Variants in MOB1B observed in about 807,000 individuals in gnomAD.
MOB1B encodes MOB kinase activator 1B.
In MOB1B, 19 loss-of-function variants were observed where a neutral mutation model predicts 24.4. That is an observed-to-expected ratio of 0.78 (90% CI 0.54 to 1.14). The LOEUF (loss-of-function observed/expected upper bound fraction) is 1.14. MOB1B is among the 50% of genes most tolerant of loss of function. MOB1B has a pLI of 0.00. For missense variants in MOB1B, 243 were observed against 259.6 expected (o/e 0.94, Z 0.44); for synonymous variants, 76 against 82.1 (o/e 0.93, Z 0.40).
intron 1 of MOB1B, among the ~76,000 whole-genome samples, chr4:70,915,417 T>TA (rs1736159251): frequency 6.6e-6 from 1 of 152,232 alleles, no homozygotes; most frequent in Admixed American, 6.5e-5. Context: ...AGAGCCCCGT[T>TA]ACAGAATTTT....
Position 70,959,039 on chromosome 4 carries a change from C to T in MOB1B, c.180C>T (p.Asn60=). 6.2e-7 allele frequency: 1 copy of T among 1,613,368 alleles called. No individual in the cohort carries two copies. Among genetic ancestry groups the T allele is most frequent in the South Asian group, 1.1e-5 (1 of 90,944 alleles). The stretch of plus-strand genomic sequence containing the variant: ...ATCTCAATGAATGGGTTGCAGTTAA[C>T]AGTAAGTAGCCTTTTTATTTCTCAG... ...GEDLNEWVAV[N]TVDFFNQINM... The change falls in exon 2 of 6, where the codon AAC becomes AAT. Residue 60 remains asparagine (N), a splice_region_variant and synonymous_variant. Coordinates refer to ENST00000309395, the MANE Select transcript of MOB1B (RefSeq NM_173468.4).
intron 4 of MOB1B, chr4:70,975,520 TG>T: frequency 1.7e-6 from 2 of 1,185,868 alleles, no homozygotes; most frequent in Non-Finnish European, 2.1e-6. Context: ...TGCTTTTAAA[TG>T]CTTAATTAGC....
chr4:70,955,829 T>C (rs749809253), intron 1 of MOB1B, among the ~76,000 whole-genome samples: 2 of 152,038 alleles, frequency 1.3e-5, no homozygotes, highest in Non-Finnish European at 2.9e-5. Context: ...ATGAAGTAAG[T>C]TTCAAGCTTG....
At chr4:70,950,647 A>G in intron 1 of MOB1B, 1 of 931,928 alleles carries the variant, frequency 1.1e-6, no homozygotes, top group Non-Finnish European at 1.6e-6. Context: ...TGCGAGTACA[A>G]AGCTTGCGGT....
intron 1 of MOB1B, among the ~76,000 whole-genome samples, chr4:70,945,585 T>C (rs528934877): frequency 1.1e-4 from 17 of 152,390 alleles, no homozygotes; most frequent in African/African-American, 3.1e-4. Flanking sequence ...AAGTATTTGC[T>C]GTACTTTCAA....
chr4:70,945,894 A>G lies in MOB1B; in HGVS notation c.15-12980A>G, dbSNP rs187449457. On this transcript the variant is annotated intron_variant, in intron 1 of 5. Transcript: ENST00000309395. ...ATAAAGAAAGTGCAGTTAAAATTGT[A>G]TGAGATAAGGAGAAGTAGGCGCTAC... 1.1e-4 allele frequency among the ~76,000 whole-genome samples: 17 copies of G among 152,026 alleles called. 1 individual carries two copies. Among genetic ancestry groups the G allele is most frequent in the African/African-American group, 4.1e-4 (17 of 41,492 alleles).
intron 1 of MOB1B, chr4:70,950,793 C>G: frequency 2.6e-6 from 4 of 1,526,908 alleles, no homozygotes; most frequent in East Asian, 2.5e-5. Context: ...ATGGAAGGAG[C>G]TACTGATGTG....
chr4:70,973,934 TATA>T (rs969375680), intron 3 of MOB1B, among the ~76,000 whole-genome samples: 35 of 152,344 alleles, frequency 2.3e-4, no homozygotes, highest in African/African-American at 8.2e-4. Context: ...ATTTTTCTGT[TATA>T]TATTGTCATC....
At position 70,987,215 on chromosome 4, in the gene MOB1B, A is replaced by G. The variant is rs1411513005; in HGVS notation, c.*5158A>G. ...AATTAGTGTTTGACAGCTTTTTTTAAATTATTTCACTGAAGCTGAGATTAT... is the reference window on the plus strand; with the variant it reads ...AATTAGTGTTTGACAGCTTTTTTTAGATTATTTCACTGAAGCTGAGATTAT... On this transcript the variant is annotated 3_prime_UTR_variant, in exon 6 of 6. Coordinates refer to ENST00000309395, the MANE Select transcript of MOB1B (RefSeq NM_173468.4). 6.6e-6 allele frequency: 1 copy of G among 151,980 alleles called. No individual in the cohort carries two copies. Among genetic ancestry groups the G allele is most frequent in the East Asian group, 1.9e-4 (1 of 5,200 alleles). The allele number at this position is 151,980 out of a possible 1,614,324, so 9.4% of individuals were successfully genotyped here. A position where few individuals can be genotyped will look rare whatever the true frequency, so the allele number is the denominator to read the frequency against.
Position 70,975,138 on chromosome 4 carries a change from A to C in MOB1B, c.276-15A>C, listed in dbSNP as rs746273896. ...TATACTAATCTTCTGTGTGCTTTTT[A>C]TCTCTCCAATGCAGATATGAGTATC... On this transcript the variant is annotated splice_polypyrimidine_tract_variant and intron_variant, in intron 3 of 5. Coordinates refer to ENST00000309395, the MANE Select transcript of MOB1B (RefSeq NM_173468.4). 23 of 1,579,774 alleles carry C rather than the reference A, an allele frequency of 1.5e-5. No individual in the cohort carries two copies. The highest frequency in any genetic ancestry group is 1.7e-5 in the Non-Finnish European group (20 of 1,167,358).
intron 2 of MOB1B, among the ~76,000 whole-genome samples, chr4:70,962,805 C>A (rs1306838647): frequency 1.3e-5 from 2 of 151,996 alleles, no homozygotes; most frequent in African/African-American, 4.8e-5. Context: ...TCAAGACCAT[C>A]CTGGCCAACA....
At chr4:70,933,065 C>T (rs1736943132) in intron 1 of MOB1B, among the ~76,000 whole-genome samples, 1 of 152,070 alleles carries the variant, frequency 6.6e-6, no homozygotes, top group Non-Finnish European at 1.5e-5. Flanking sequence ...GTGTAGGAGG[C>T]ATGGCTGGGG....
At chr4:70,942,520 A>G (rs1737391102) in intron 1 of MOB1B, among the ~76,000 whole-genome samples, 1 of 152,160 alleles carries the variant, frequency 6.6e-6, no homozygotes, top group Non-Finnish European at 1.5e-5. Context: ...TATTTTATAA[A>G]TATGATTAAA....
chr4:70,969,221 C>A (rs1451696223), intron 2 of MOB1B, among the ~76,000 whole-genome samples: 2 of 152,162 alleles, frequency 1.3e-5, no homozygotes, highest in Non-Finnish European at 2.9e-5. Flanking sequence ...AGCCTGACTT[C>A]CTCGGCTCAA....
chr4:70,975,446 G>C, intron 4 of MOB1B, 160 bp downstream of exon 4: 2 of 1,337,866 alleles, frequency 1.5e-6, no homozygotes, highest in Non-Finnish European at 1.9e-6. Context: ...ACAAAAGTTT[G>C]TTAACCCAGT....
intron 1 of MOB1B, among the ~76,000 whole-genome samples, chr4:70,927,847 A>G (rs1384819194): frequency 6.6e-6 from 1 of 152,146 alleles, no homozygotes; most frequent in Non-Finnish European, 1.5e-5. Context: ...CAAAACTCCA[A>G]GGCATAGAAG....
At chr4:70,904,801 T>G (rs1192449262) in intron 1 of MOB1B, among the ~76,000 whole-genome samples, 1 of 150,438 alleles carries the variant, frequency 6.6e-6, no homozygotes, top group Non-Finnish European at 1.5e-5. Flanking sequence ...AGAGCCATAT[T>G]TGGCTGAAAC....
Position 70,987,864 on chromosome 4 carries a change from TAA to T in MOB1B, c.*5808_*5809del, listed in dbSNP as rs1739430071. 6.6e-6 allele frequency: 1 copy of T among 152,268 alleles called. No individual in the cohort carries two copies. The highest frequency in any genetic ancestry group is 1.5e-5 in the Non-Finnish European group (1 of 68,004). The allele number at this position is 152,268 out of a possible 1,614,324, so 9.4% of individuals were successfully genotyped here. The stretch of plus-strand genomic sequence containing the variant: ...AGACAGTTTCTCTCTTATAATCAAG[TAA>T]CTAGAAGGGGAAAAATCATCTAAGT... On this transcript the variant is annotated 3_prime_UTR_variant, in exon 6 of 6. Transcript: ENST00000309395.
chr4:70,901,938 G>A (rs367996385), upstream of MOB1B, among the ~76,000 whole-genome samples: 7 of 152,232 alleles, frequency 4.6e-5, no homozygotes, highest in East Asian at 7.7e-4. Flanking sequence ...TGAACTGAGA[G>A]ATGCCATTAC....
Sources: gnomAD v4.1 joint callset for allele counts (sites outside exome capture counted in the v4.1 genomes callset) on GRCh38, gnomAD v4.1.1 for gene constraint, MANE v1.5 for transcripts, NCBI Gene and HGNC (gene_info 2026-07-23, HGNC 2026-07-21) for gene names.